Variants in ARHGAP10 observed in about 807,000 individuals in gnomAD.
ARHGAP10 encodes the protein Rho GTPase activating protein 10.
A neutral mutation model predicts 108.6 loss-of-function variants in ARHGAP10; 87 were observed. That is an observed-to-expected ratio of 0.80 (90% confidence interval 0.67 to 0.96). The LOEUF is 0.96. Among genes scored for constraint, ARHGAP10 ranks in the 40% least tolerant of loss-of-function variants. The pLI is 0.00. For missense variants in ARHGAP10, 939 were observed against 954.5 expected, an observed-to-expected ratio of 0.98 and a Z score of 0.21; for synonymous variants, 347 against 341.1, an observed-to-expected ratio of 1.02 and a Z score of -0.19.
intron 18 of ARHGAP10, among the ~76,000 whole-genome samples, chr4:147,997,675 CA>C (rs760585066): frequency 3.7e-4 from 57 of 152,116 alleles, no homozygotes; most frequent in South Asian, 3.3e-3. Flanking sequence ...TTTTTTTTGT[CA>C]GAATCAAAGA....
At chr4:147,933,201 C>T (rs1183768653) in intron 13 of ARHGAP10, among the ~76,000 whole-genome samples, 1 of 152,064 alleles carries the variant, frequency 6.6e-6, no homozygotes. Flanking sequence ...GCCATATTTC[C>T]CTGAATGTTC....
intron 10 of ARHGAP10, among the ~76,000 whole-genome samples, chr4:147,899,553 T>A (rs902393311): frequency 6.6e-6 from 1 of 152,208 alleles, no homozygotes; most frequent in African/African-American, 2.4e-5. Flanking sequence ...AAGCAACAGT[T>A]CTCTAATGAT....
rs558525403 is a variant in ARHGAP10, at chr4:147,949,939, T to G, written c.1391+3235T>G. On this transcript the variant is annotated intron_variant, in intron 15 of 22. Transcript: ENST00000336498. Reference sequence around the variant, plus strand: ...CTTTTTATTTAGTACATAGGATTTCTTTTTGGATCTTGATATTCTCGGAAG... The same window carrying G: ...CTTTTTATTTAGTACATAGGATTTCGTTTTGGATCTTGATATTCTCGGAAG... 1.4e-3 allele frequency among the ~76,000 whole-genome samples: 216 copies of G among 152,344 alleles called. 2 individuals carry two copies. Among genetic ancestry groups the G allele is most frequent in the Non-Finnish European group, 2.6e-3 (176 of 68,028 alleles).
At chr4:148,071,731 C>T (rs544393171) in intron 22 of ARHGAP10, among the ~76,000 whole-genome samples, 37 of 152,100 alleles carry the variant, frequency 2.4e-4, no homozygotes, top group Non-Finnish European at 4.7e-4. Context: ...CATGTTCGTG[C>T]ACAGTGGATT....
intron 1 of ARHGAP10, among the ~76,000 whole-genome samples, chr4:147,744,534 C>T (rs146594549): frequency 1.4e-4 from 22 of 151,840 alleles, no homozygotes; most frequent in Non-Finnish European, 2.4e-4. Context: ...GCAAATGAAT[C>T]GGAGGAAAGC....
chr4:147,805,088 A>G (rs1199260574), intron 1 of ARHGAP10, among the ~76,000 whole-genome samples: 3 of 152,104 alleles, frequency 2.0e-5, no homozygotes, highest in Non-Finnish European at 4.4e-5. Flanking sequence ...GTTTTCTTCA[A>G]GAGTTTTTAC....
At chr4:148,019,018 A>T (rs1741459037) in intron 18 of ARHGAP10, among the ~76,000 whole-genome samples, 4 of 152,266 alleles carry the variant, frequency 2.6e-5, no homozygotes, top group Admixed American at 2.6e-4. Flanking sequence ...TGAATTAGGA[A>T]GTAATTTATA....
chr4:147,760,395 A>G (rs765581024), intron 1 of ARHGAP10, among the ~76,000 whole-genome samples: 4 of 152,206 alleles, frequency 2.6e-5, no homozygotes, highest in Non-Finnish European at 5.9e-5. Context: ...TCAGGTTTCT[A>G]CTTGGCAACG....
intron 1 of ARHGAP10, among the ~76,000 whole-genome samples, chr4:147,763,451 A>G (rs1309296046): frequency 1.3e-5 from 2 of 151,820 alleles, no homozygotes; most frequent in South Asian, 2.1e-4. Flanking sequence ...AGCTGGGACT[A>G]TAGGCATGTG....
chr4:147,785,027 G>T, intron 1 of ARHGAP10, among the ~76,000 whole-genome samples: 1 of 124,468 alleles, frequency 8.0e-6, no homozygotes, highest in South Asian at 2.6e-4. Context: ...TAAAATATAT[G>T]TAATATATAT....
chr4:148,071,444 C>T (rs1488296237), intron 22 of ARHGAP10, among the ~76,000 whole-genome samples: 1 of 152,264 alleles, frequency 6.6e-6, no homozygotes, highest in South Asian at 2.1e-4. Flanking sequence ...GGTGAAACCC[C>T]ATCTCTACTA....
intron 1 of ARHGAP10, among the ~76,000 whole-genome samples, chr4:147,806,146 T>G (rs900371546): frequency 1.3e-5 from 2 of 152,114 alleles, no homozygotes; most frequent in Non-Finnish European, 2.9e-5. Flanking sequence ...CAGGGCAGAT[T>G]TGCAATGCTG....
chr4:147,823,011 C>A (rs1732569471), intron 3 of ARHGAP10, 54 bp downstream of exon 3: 10 of 1,532,070 alleles, frequency 6.5e-6, no homozygotes, highest in Non-Finnish European at 7.2e-6. Context: ...GGAAAAAAAT[C>A]TGGATTTGGA....
In ARHGAP10 at chr4:147,732,475, C is replaced by T. The variant is rs771271444; in HGVS notation, c.154+20C>T. ...CGAAAAGTAAGCGGGGACGCGGGCG[C>T]GGACGGGCTGCGGCGTGGCGAGGCG... On this transcript the variant is annotated intron_variant, in intron 1 of 22. Transcript: ENST00000336498. The T allele has an allele frequency of 8.7e-6, 14 of 1,608,344 alleles. No individual in the cohort carries two copies. The highest frequency in any genetic ancestry group is 1.1e-5 in the Non-Finnish European group (13 of 1,177,194).
intron 13 of ARHGAP10, among the ~76,000 whole-genome samples, chr4:147,927,662 G>A (rs991402806): frequency 4.6e-5 from 7 of 152,110 alleles, no homozygotes; most frequent in Non-Finnish European, 1.0e-4. Context: ...CTAGTCTCCC[G>A]ACTCTAAGCC....
At chr4:147,752,589 G>A (rs1208825762) in intron 1 of ARHGAP10, among the ~76,000 whole-genome samples, 6 of 150,936 alleles carry the variant, frequency 4.0e-5, no homozygotes, top group East Asian at 1.9e-4. Context: ...TTAGGCTGGC[G>A]TGATCTTGGC....
intron 13 of ARHGAP10, among the ~76,000 whole-genome samples, chr4:147,939,081 A>T (rs557987325): frequency 6.6e-6 from 1 of 152,172 alleles, no homozygotes; most frequent in Non-Finnish European, 1.5e-5. Flanking sequence ...CTTACCCTTA[A>T]TGCTACTCAG....
intron 20 of ARHGAP10, among the ~76,000 whole-genome samples, chr4:148,052,069 C>T (rs1729162006): frequency 6.6e-6 from 1 of 152,118 alleles, no homozygotes; most frequent in Non-Finnish European, 1.5e-5. Context: ...CTTAGTACAC[C>T]ACAGTAAACT....
In ARHGAP10 at chr4:147,906,733, A is replaced by T. The variant is rs139674812; in HGVS notation, c.1116+14A>T. 6.2e-7 allele frequency: 1 copy of T among 1,613,544 alleles called. No homozygotes were observed. The highest frequency in any genetic ancestry group is 1.3e-5 in the African/African-American group (1 of 74,920). On this transcript the variant is annotated intron_variant, in intron 11 of 22. Transcript: ENST00000336498. ...GGAAAGGAAGCTGTAAGAATAATCA[A>T]TGGTTGAGTTTTATTTCAAAGCCTT...
Sources: allele counts gnomAD v4.1 joint callset (sites outside exome capture counted in the v4.1 genomes callset), GRCh38; gene constraint gnomAD v4.1.1; transcripts MANE v1.5; gene names NCBI Gene and HGNC (gene_info 2026-07-23, HGNC 2026-07-21).